Variants in PTPRD observed in about 807,000 individuals in gnomAD.
PTPRD encodes protein tyrosine phosphatase receptor type D, also known as receptor-type tyrosine-protein phosphatase delta.
A neutral mutation model predicts 214.5 loss-of-function variants in PTPRD; 34 were observed. The ratio of observed to expected loss-of-function variants is 0.16; its 90% CI spans 0.12 to 0.21. The LOEUF is 0.21. Among genes scored for constraint, PTPRD ranks in the 10% least tolerant of loss-of-function variants. The pLI is 1.00. For missense variants in PTPRD, 2,545 were observed against 2,398.7 expected (o/e 1.06, Z -1.27); for synonymous variants, 1,128 against 845.7 (o/e 1.33, Z -5.79).
intron 35 of PTPRD, among the ~76,000 whole-genome samples, chr9:8,430,711 T>C (rs1356841144): frequency 6.6e-6 from 1 of 152,158 alleles, no homozygotes; most frequent in Non-Finnish European, 1.5e-5. Flanking sequence ...TGCTGGTCTG[T>C]AGTCCACACT....
chr9:9,092,085 T>C (rs1055668999), intron 10 of PTPRD, among the ~76,000 whole-genome samples: 2 of 152,186 alleles, frequency 1.3e-5, no homozygotes, highest in Non-Finnish European at 2.9e-5. Flanking sequence ...ATGGTGAAGG[T>C]TTATAATGTA....
At chr9:9,020,312 A>G (rs1168592106) in intron 10 of PTPRD, among the ~76,000 whole-genome samples, 1 of 152,082 alleles carries the variant, frequency 6.6e-6, no homozygotes, top group Non-Finnish European at 1.5e-5. Flanking sequence ...GAGAGTTGGT[A>G]CTCTTGCGAT....
At chr9:8,328,832 T>G (rs1221865480) in intron 44 of PTPRD, among the ~76,000 whole-genome samples, 2 of 152,136 alleles carry the variant, frequency 1.3e-5, no homozygotes, top group African/African-American at 4.8e-5. Flanking sequence ...TATTGATACT[T>G]GCGTATGCTT....
chr9:9,042,164 C>T (rs1352346968), intron 10 of PTPRD, among the ~76,000 whole-genome samples: 1 of 152,152 alleles, frequency 6.6e-6, no homozygotes, highest in Non-Finnish European at 1.5e-5. Flanking sequence ...GTTTTATTCT[C>T]TCTGACCGGT....
intron 10 of PTPRD, among the ~76,000 whole-genome samples, chr9:9,099,310 A>G (rs766634305): frequency 6.6e-6 from 1 of 152,200 alleles, no homozygotes; most frequent in Non-Finnish European, 1.5e-5. Flanking sequence ...CTCATTATCT[A>G]TAAATATATA....
At chr9:9,956,753 A>G (rs1040899959) in intron 4 of PTPRD, among the ~76,000 whole-genome samples, 3 of 152,212 alleles carry the variant, frequency 2.0e-5, no homozygotes, top group African/African-American at 7.2e-5. Flanking sequence ...TCAATGTATT[A>G]GCATTAATAA....
chr9:9,787,440 C>G (rs1056368763), intron 5 of PTPRD, among the ~76,000 whole-genome samples: 3 of 147,506 alleles, frequency 2.0e-5, no homozygotes, highest in Non-Finnish European at 3.0e-5. Context: ...AAAAAAAGGC[C>G]AAATCCTTTA....
At chr9:9,017,726 T>A (rs936886935) in intron 11 of PTPRD, among the ~76,000 whole-genome samples, 2 of 152,130 alleles carry the variant, frequency 1.3e-5, no homozygotes, top group African/African-American at 4.8e-5. Flanking sequence ...ATGACTAGAA[T>A]TTTTTTCTTT....
chr9:10,515,294 G>C (rs1322279062), intron 2 of PTPRD, among the ~76,000 whole-genome samples: 2 of 151,918 alleles, frequency 1.3e-5, no homozygotes. Flanking sequence ...AATTTTTTAT[G>C]CTCCATGTCT....
intron 3 of PTPRD, among the ~76,000 whole-genome samples, chr9:10,335,969 G>T (rs1329545324): frequency 6.6e-6 from 1 of 151,730 alleles, no homozygotes; most frequent in Non-Finnish European, 1.5e-5. Flanking sequence ...GGAACAACAG[G>T]AACACTCATT....
At chr9:9,834,047 C>G (rs549437417) in intron 5 of PTPRD, among the ~76,000 whole-genome samples, 1 of 152,008 alleles carries the variant, frequency 6.6e-6, no homozygotes, top group African/African-American at 2.4e-5. Context: ...AGGTTATTGA[C>G]TGGGGAAGTG....
At chr9:8,526,037 G>A (rs1592775213) in intron 17 of PTPRD, among the ~76,000 whole-genome samples, 1 of 152,012 alleles carries the variant, frequency 6.6e-6, no homozygotes, top group Non-Finnish European at 1.5e-5. Context: ...GGGATCAGGT[G>A]GAAAGGGGAG....
chr9:9,064,785 C>T (rs2099722728), intron 10 of PTPRD, among the ~76,000 whole-genome samples: 1 of 152,136 alleles, frequency 6.6e-6, no homozygotes, highest in South Asian at 2.1e-4. Flanking sequence ...CATTAAGAAA[C>T]TAGAGATTTG....
intron 11 of PTPRD, among the ~76,000 whole-genome samples, chr9:8,838,900 T>C (rs928837209): frequency 1.3e-5 from 2 of 151,682 alleles, no homozygotes; most frequent in African/African-American, 4.8e-5. Flanking sequence ...AAACATAAAA[T>C]GAATAATAAG....
rs114870071 is a variant in PTPRD, at chr9:9,610,392, C to G, written c.-286-35611G>C. ...ATAAAGAGAATTAAGACTACATTTG[C>G]ACTAGCAAAGCAATAATATCAACGG... On this transcript the variant is annotated intron_variant, in intron 7 of 45. Transcript: ENST00000381196. 1.4e-3 allele frequency among the ~76,000 whole-genome samples: 211 copies of G among 152,258 alleles called. 2 individuals are homozygous for G. Among genetic ancestry groups the G allele is most frequent in the African/African-American group, 5.0e-3 (206 of 41,540 alleles).
intron 10 of PTPRD, among the ~76,000 whole-genome samples, chr9:9,080,035 A>G (rs1434124538): frequency 6.6e-6 from 1 of 152,060 alleles, no homozygotes; most frequent in Non-Finnish European, 1.5e-5. Flanking sequence ...TTGGTATTTT[A>G]TGTGATCATG....
intron 8 of PTPRD, among the ~76,000 whole-genome samples, chr9:9,565,384 C>A (rs952147545): frequency 6.6e-6 from 1 of 151,542 alleles, no homozygotes; most frequent in Non-Finnish European, 1.5e-5. Flanking sequence ...TTTAAAATTG[C>A]AAAAAATTGC....
chr9:9,617,674 G>A (rs928832707), intron 7 of PTPRD, among the ~76,000 whole-genome samples: 5 of 152,166 alleles, frequency 3.3e-5, no homozygotes, highest in African/African-American at 1.2e-4. Context: ...CATAGTATTT[G>A]AAGGGTGGGG....
chr9:10,176,049 G>C (rs531245645), intron 3 of PTPRD, among the ~76,000 whole-genome samples: 3 of 151,904 alleles, frequency 2.0e-5, no homozygotes, highest in South Asian at 2.1e-4. Context: ...ATATTTGTTT[G>C]GGATATTTTC....
Sources: gnomAD v4.1 joint callset for allele counts (sites outside exome capture counted in the v4.1 genomes callset) on GRCh38, gnomAD v4.1.1 for gene constraint, MANE v1.5 for transcripts, NCBI Gene and HGNC (gene_info 2026-07-23, HGNC 2026-07-21) for gene names.